Variants in GCA observed in about 807,000 individuals in gnomAD.
GCA encodes the protein grancalcin, EF-hand calcium-binding protein.
GCA carries 30 observed loss-of-function variants against 32.6 expected under a neutral mutation model. That is an observed-to-expected ratio of 0.92 (90% CI 0.69 to 1.25). GCA has a LOEUF of 1.25. GCA is among the 50% of genes most tolerant of loss of function. GCA has a pLI of 0.00. For missense variants in GCA, 291 were observed against 266.8 expected, an observed-to-expected ratio of 1.09 and a Z score of -0.63; for synonymous variants, 102 against 84.6, an observed-to-expected ratio of 1.21 and a Z score of -1.13.
intron 1 of GCA, among the ~76,000 whole-genome samples, chr2:162,323,802 G>A (rs1683773576): frequency 6.6e-6 from 1 of 151,814 alleles, no homozygotes; most frequent in Non-Finnish European, 1.5e-5. Context: ...TGCTGTTTTG[G>A]TTACTGTAGC....
chr2:162,330,409 A>G (rs1684035227), intron 1 of GCA, among the ~76,000 whole-genome samples: 2 of 152,226 alleles, frequency 1.3e-5, no homozygotes, highest in Admixed American at 1.3e-4. Flanking sequence ...AGTAGGTCAA[A>G]CCATTTTGTA....
At position 162,359,141 on chromosome 2, in the gene GCA, G is replaced by T. The variant is rs1286729125; in HGVS notation, c.552G>T (p.Lys184Asn). Residue 184 changes from lysine (K) to asparagine (N), a missense_variant, in exon 6 of 8, where the codon AAG becomes AAT. Lys to Asn is a moderately conservative substitution (Grantham distance 94). Coordinates refer to ENST00000437150, the MANE Select transcript of GCA (RefSeq NM_012198.5). ...FFDDYVACCV[K>N]LRALTDFFRK... ...ATGATTATGTTGCTTGCTGTGTGAA[G>T]CTTCGAGCATTGACAGGTATTGACT... 2.5e-6 allele frequency: 4 copies of T among 1,597,830 alleles called. No individual in the cohort carries two copies. The highest frequency in any genetic ancestry group is 2.6e-6 in the Non-Finnish European group (3 of 1,166,582).
intron 3 of GCA, among the ~76,000 whole-genome samples, chr2:162,355,021 T>C (rs986550719): frequency 2.0e-5 from 3 of 152,216 alleles, no homozygotes; most frequent in African/African-American, 7.2e-5. Flanking sequence ...ACTTTATGAA[T>C]GTGTGCCAAG....
chr2:162,359,425 C>G, intron 6 of GCA, 69 bp from the exon 7 acceptor site: 1 of 688,646 alleles, frequency 1.5e-6, no homozygotes, highest in East Asian at 2.9e-5. Context: ...TTTTGTGTAC[C>G]TGGGTGCACT....
chr2:162,371,876 C>G, downstream of GCA: 2 of 1,613,304 alleles, frequency 1.2e-6, no homozygotes, highest in South Asian at 1.1e-5. Flanking sequence ...TGAAGACCCA[C>G]GATTCCTACA....
intron 2 of GCA, among the ~76,000 whole-genome samples, chr2:162,352,092 T>A (rs1229810146): frequency 3.3e-5 from 5 of 152,314 alleles, no homozygotes; most frequent in Non-Finnish European, 7.4e-5. Context: ...CTTATGAGAT[T>A]GTCTTGAACC....
At chr2:162,323,575 T>A (rs1683764564) in intron 1 of GCA, among the ~76,000 whole-genome samples, 1 of 151,972 alleles carries the variant, frequency 6.6e-6, no homozygotes, top group African/African-American at 2.4e-5. Context: ...CATCTTGAAT[T>A]GATTTTTGTA....
rs759501870 is a variant in GCA, at chr2:162,347,593, A to C, written c.43A>C (p.Ile15Leu). The C allele has an allele frequency of 2.5e-6, 4 of 1,606,458 alleles. No individual in the cohort carries two copies. The South Asian group carries it at 4.4e-5, about 18-fold the overall frequency. ...ACTATTATAGTTTGGAAATTTTAGC[A>C]TTCAGGTGCCAGGAATGCAGATGGG... ...GYGGGFGNFS[I>L]QVPGMQMGQP... Residue 15 changes from isoleucine to leucine, a missense_variant, in exon 2 of 8, where the codon ATT (isoleucine) becomes CTT (leucine). Physicochemically the swap from Ile to Leu is conservative, Grantham distance 5 (BLOSUM62 2). Coordinates refer to ENST00000437150, the MANE Select transcript of GCA (RefSeq NM_012198.5).
At chr2:162,369,349 CT>C (rs1685851411) in intron 4 of GCA, among the ~76,000 whole-genome samples, 1 of 152,100 alleles carries the variant, frequency 6.6e-6, no homozygotes, top group Non-Finnish European at 1.5e-5. Context: ...ATTGCTCAGT[CT>C]CTTTTTAAGC....
At chr2:162,330,671 G>A (rs2105272287) in intron 1 of GCA, among the ~76,000 whole-genome samples, 1 of 152,314 alleles carries the variant, frequency 6.6e-6, no homozygotes, top group Admixed American at 6.5e-5. Context: ...TAGAACTTTA[G>A]TGTCAGTTAT....
At position 162,362,123 on chromosome 2, in the gene GCA, C is replaced by G; in HGVS notation, c.*1880C>G. 3.0e-6 allele frequency: 3 copies of G among 984,528 alleles called. No homozygotes were observed. Among genetic ancestry groups the G allele is most frequent in the Non-Finnish European group, 3.6e-6 (3 of 829,400 alleles). The allele number at this position is 984,528 out of a possible 1,614,324, so 61.0% of individuals were successfully genotyped here. A position where few individuals can be genotyped will look rare whatever the true frequency, so the allele number is the denominator to read the frequency against. Reference sequence around the variant, plus strand: ...AGGTCTATGAAGGAGCTTCCATGGCCAAACATATTTAGAAACTCTCACTTT... The same window carrying G: ...AGGTCTATGAAGGAGCTTCCATGGCGAAACATATTTAGAAACTCTCACTTT... On this transcript the variant is annotated 3_prime_UTR_variant, in exon 8 of 8. Transcript: ENST00000437150.
intron 1 of GCA, among the ~76,000 whole-genome samples, chr2:162,321,828 T>C (rs967718796): frequency 2.8e-5 from 4 of 143,104 alleles, no homozygotes; most frequent in Non-Finnish European, 4.5e-5. Context: ...AAAGAAGAGA[T>C]GGTGCGGTGC....
At chr2:162,359,579 A>G (rs755679665) in intron 7 of GCA, 27 bp downstream of exon 7, 2 of 1,263,036 alleles carry the variant, frequency 1.6e-6, no homozygotes, top group South Asian at 2.6e-5. Context: ...TGATATTTAT[A>G]CTGCATTCTA....
chr2:162,330,884 A>G (rs988402751), intron 1 of GCA, among the ~76,000 whole-genome samples: 1 of 152,230 alleles, frequency 6.6e-6, no homozygotes, highest in Non-Finnish European at 1.5e-5. Context: ...TTAGGTTCCT[A>G]TGAGCCCCAG....
Position 162,361,407 on chromosome 2 carries a change from C to CTTAT in GCA, c.*1167_*1170dup. On this transcript the variant is annotated 3_prime_UTR_variant, in exon 8 of 8. Transcript: ENST00000437150. ...GTCTTAGTGAAGATTTAATAAACCACTTATTTTTCTTATGCTTTAAATGTG... is the reference window on the plus strand; with the variant it reads ...GTCTTAGTGAAGATTTAATAAACCACTTATTTATTTTTCTTATGCTTTAAATGTG... The CTTAT allele has an allele frequency of 1.0e-6, 1 of 978,588 alleles. No individual in the cohort carries two copies. The highest frequency in any genetic ancestry group is 1.7e-5 in the African/African-American group (1 of 57,166). 60.6% of individuals were successfully genotyped at this position (978,588 alleles called of 1,614,324 possible). A position where few individuals can be genotyped will look rare whatever the true frequency, so the allele number is the denominator to read the frequency against.
At chr2:162,365,211 AATAG>A (rs1161810912), downstream of GCA, among the ~76,000 whole-genome samples, 1 of 151,488 alleles carries the variant, frequency 6.6e-6, no homozygotes, top group East Asian at 1.9e-4. Context: ...TTCATGTATA[AATAG>A]ATCAGAAATT....
At chr2:162,342,885 G>T (rs1393067391), upstream of GCA, among the ~76,000 whole-genome samples, 3 of 152,074 alleles carry the variant, frequency 2.0e-5, no homozygotes, top group East Asian at 5.8e-4. Flanking sequence ...TTTCCCTTTT[G>T]CCACGTAGGT....
chr2:162,335,648 T>G (rs1199191512), intron 1 of GCA, among the ~76,000 whole-genome samples: 1 of 152,192 alleles, frequency 6.6e-6, no homozygotes, highest in African/African-American at 2.4e-5. Flanking sequence ...AGCCAATAAA[T>G]TCTCTTGTTT....
chr2:162,358,858 A>G (rs913639623), intron 5 of GCA, among the ~76,000 whole-genome samples, 186 bp from the exon 6 acceptor site: 11 of 151,496 alleles, frequency 7.3e-5, no homozygotes, highest in Non-Finnish European at 1.6e-4. Flanking sequence ...TGTGATATTT[A>G]TATACCGATT....
Sources: allele counts gnomAD v4.1 joint callset (sites outside exome capture counted in the v4.1 genomes callset), GRCh38; gene constraint gnomAD v4.1.1; transcripts MANE v1.5; gene names NCBI Gene and HGNC (gene_info 2026-07-23, HGNC 2026-07-21).